The following RNF111 variants were observed in gnomAD, a reference collection of about 807,000 sequenced individuals.
RNF111 encodes the protein E3 ubiquitin-protein ligase Arkadia.
RNF111 carries 17 observed loss-of-function variants against 95.1 expected under a neutral mutation model. That is an observed-to-expected ratio of 0.18 (90% CI 0.12 to 0.27). The LOEUF (loss-of-function observed/expected upper bound fraction) is 0.27. Ranked by LOEUF, RNF111 falls within the 10% of genes least tolerant of loss-of-function variation. The probability of loss-of-function intolerance (pLI) is 1.00; values close to 1 mark genes in which losing one functional copy is unlikely to be tolerated. For missense variants in RNF111, 1,189 were observed against 1,210.4 expected (o/e 0.98, Z 0.26); for synonymous variants, 440 against 414.8 (o/e 1.06, Z -0.74).
intron 1 of RNF111, among the ~76,000 whole-genome samples, chr15:59,017,966 C>T (rs2040150745): frequency 6.6e-6 from 1 of 151,854 alleles, no homozygotes; most frequent in South Asian, 2.1e-4. Context: ...ATCATGTTGG[C>T]CAGGCTGGTC....
chr15:59,040,503 A>C (rs1430255378), intron 2 of RNF111, among the ~76,000 whole-genome samples: 6 of 152,192 alleles, frequency 3.9e-5, no homozygotes, highest in African/African-American at 1.4e-4. Context: ...CTTTAATTTA[A>C]GTGAATATTT....
chr15:59,071,150 T>C (rs112595522), intron 6 of RNF111, among the ~76,000 whole-genome samples: 2,327 of 151,756 alleles, frequency 0.015, 25 homozygotes, highest in Non-Finnish European at 0.024. Context: ...ACAAAAAAAG[T>C]AGCCGGGCGT....
At chr15:59,069,919 T>TA (rs2097917373) in intron 6 of RNF111, among the ~76,000 whole-genome samples, 1 of 151,578 alleles carries the variant, frequency 6.6e-6, no homozygotes, top group South Asian at 2.1e-4. Flanking sequence ...ACCGAGAAGA[T>TA]GCAGTAGTCA....
chr15:59,040,143 C>T (rs1250587171), intron 2 of RNF111, among the ~76,000 whole-genome samples: 8 of 151,520 alleles, frequency 5.3e-5, no homozygotes, highest in Admixed American at 5.3e-4. Flanking sequence ...AAGGGACGGT[C>T]TCACTCTGTT....
chr15:59,034,535 C>T (rs1042050822), intron 2 of RNF111, among the ~76,000 whole-genome samples: 1 of 152,158 alleles, frequency 6.6e-6, no homozygotes, highest in African/African-American at 2.4e-5. Flanking sequence ...GTTATCATCA[C>T]ACTCATATTA....
intron 8 of RNF111, among the ~76,000 whole-genome samples, chr15:59,082,751 C>T (rs560736408): frequency 4.0e-4 from 61 of 152,236 alleles, no homozygotes; most frequent in African/African-American, 1.4e-3. Context: ...AACCTGTTTG[C>T]CAAACTCTTG....
intron 1 of RNF111, among the ~76,000 whole-genome samples, chr15:58,996,827 A>G (rs1405516359): frequency 6.6e-6 from 1 of 152,020 alleles, no homozygotes; most frequent in African/African-American, 2.4e-5. Context: ...CAACCAATTA[A>G]TATCTGTACA....
intron 2 of RNF111, among the ~76,000 whole-genome samples, chr15:59,047,703 G>A (rs1287462950): frequency 6.6e-6 from 1 of 152,016 alleles, no homozygotes; most frequent in Non-Finnish European, 1.5e-5. Flanking sequence ...AGCCTCCCAA[G>A]TATCTGGGAC....
At chr15:59,011,630 A>C (rs1276018659) in intron 1 of RNF111, among the ~76,000 whole-genome samples, 2 of 152,086 alleles carry the variant, frequency 1.3e-5, no homozygotes, top group Non-Finnish European at 2.9e-5. Context: ...GTTCTCACAT[A>C]ATCTTTTTTT....
intron 9 of RNF111, among the ~76,000 whole-genome samples, chr15:59,085,254 A>C (rs3809531): frequency 0.1 from 15,356 of 152,200 alleles, 2,168 homozygotes; most frequent in African/African-American, 0.32. Flanking sequence ...AATCGTCCTT[A>C]ATGTCAACAA....
At chr15:59,058,774 C>G in intron 5 of RNF111, 1 of 453,464 alleles carries the variant, frequency 2.2e-6, no homozygotes, top group Non-Finnish European at 4.0e-6. Context: ...AATAAGAGAG[C>G]TTGGGGAGAA....
In RNF111 at chr15:59,024,146, A is replaced by G. The variant is rs76075526; in HGVS notation, c.-19-6658A>G. Among the ~76,000 whole-genome samples the G allele has an allele frequency of 4.5e-3, 684 of 152,252 alleles. 5 individuals carry two copies. Among genetic ancestry groups the G allele is most frequent in the African/African-American group, 0.016 (660 of 41,558 alleles). ...GGAAATTGAGCAATAGTAAATTTTC[A>G]AGAAATCTTAGGTATTATTTTCCTA... is the stretch of plus-strand genomic sequence containing the variant. On this transcript the variant is annotated intron_variant, in intron 1 of 13. Transcript: ENST00000348370.
At chr15:59,044,841 A>G (rs2041631997) in intron 2 of RNF111, among the ~76,000 whole-genome samples, 1 of 152,220 alleles carries the variant, frequency 6.6e-6, no homozygotes, top group East Asian at 1.9e-4. Flanking sequence ...TTTGGTTTAA[A>G]TAACTTATCT....
At chr15:58,994,961 G>A (rs745523183) in intron 1 of RNF111, among the ~76,000 whole-genome samples, 128 of 152,080 alleles carry the variant, frequency 8.4e-4, no homozygotes, top group Non-Finnish European at 4.9e-4. Flanking sequence ...TTGTCGAATT[G>A]TCCTGATAAT....
chr15:58,994,331 G>A (rs529345547), intron 1 of RNF111, among the ~76,000 whole-genome samples: 1 of 151,434 alleles, frequency 6.6e-6, no homozygotes, highest in East Asian at 2.0e-4. Context: ...GAGCCACCAC[G>A]CCTGGCTACT....
intron 1 of RNF111, among the ~76,000 whole-genome samples, chr15:58,997,901 T>G (rs1264416749): frequency 6.6e-6 from 1 of 151,888 alleles, no homozygotes; most frequent in Non-Finnish European, 1.5e-5. Context: ...GTTTTTCTTT[T>G]TGTTTGTTTT....
intron 2 of RNF111, among the ~76,000 whole-genome samples, chr15:59,032,835 G>A (rs2040980911): frequency 6.6e-6 from 1 of 152,080 alleles, no homozygotes; most frequent in Non-Finnish European, 1.5e-5. Flanking sequence ...AATTGGGTAG[G>A]GACTATTTCC....
chr15:59,042,589 C>T (rs1341592038), intron 2 of RNF111, among the ~76,000 whole-genome samples: 1 of 152,174 alleles, frequency 6.6e-6, no homozygotes, highest in Non-Finnish European at 1.5e-5. Flanking sequence ...GAGCATAGAT[C>T]CATTTGGTGT....
intron 1 of RNF111, among the ~76,000 whole-genome samples, chr15:58,991,105 A>G (rs1429156130): frequency 1.3e-5 from 2 of 152,120 alleles, no homozygotes; most frequent in African/African-American, 4.8e-5. Context: ...CAGCCAGGCC[A>G]ACATGGTGAA....
Sources: allele counts gnomAD v4.1 joint callset (sites outside exome capture counted in the v4.1 genomes callset), GRCh38; gene constraint gnomAD v4.1.1; transcripts MANE v1.5; gene names NCBI Gene and HGNC (gene_info 2026-07-23, HGNC 2026-07-21).